NR2F1-AS1: variants seen among roughly 807,000 people sequenced by gnomAD.
The protein encoded by NR2F1-AS1 is NR2F1 antisense RNA 1.
chr5:93,536,201 A>T (rs1751836156), intron 4 of NR2F1-AS1, among the ~76,000 whole-genome samples: 1 of 152,204 alleles, frequency 6.6e-6, no homozygotes, highest in Non-Finnish European at 1.5e-5. Context: ...ATAGCTACCA[A>T]AAAGTAAGAT....
At chr5:93,425,961 T>A (rs548087078) in intron 4 of NR2F1-AS1, among the ~76,000 whole-genome samples, 3 of 152,138 alleles carry the variant, frequency 2.0e-5, no homozygotes, top group Admixed American at 2.0e-4. Flanking sequence ...CCCTGGGATA[T>A]GCCTACATTA....
intron 4 of NR2F1-AS1, among the ~76,000 whole-genome samples, chr5:93,479,409 G>A (rs1750554043): frequency 6.6e-6 from 1 of 152,098 alleles, no homozygotes; most frequent in Non-Finnish European, 1.5e-5. Flanking sequence ...TCAGTGTGCT[G>A]ACTGACCATG....
chr5:93,548,954 A>T (rs1364624889), intron 4 of NR2F1-AS1, among the ~76,000 whole-genome samples: 1 of 152,184 alleles, frequency 6.6e-6, no homozygotes, highest in Non-Finnish European at 1.5e-5. Context: ...CAATTATACC[A>T]GGGTATAACA....
chr5:93,520,473 T>C (rs1751479172), intron 4 of NR2F1-AS1, among the ~76,000 whole-genome samples: 1 of 152,112 alleles, frequency 6.6e-6, no homozygotes, highest in Non-Finnish European at 1.5e-5. Flanking sequence ...ATAATTTTAT[T>C]TTATTAATAG....
intron 4 of NR2F1-AS1, among the ~76,000 whole-genome samples, chr5:93,550,286 C>T (rs1752194179): frequency 6.6e-6 from 1 of 151,954 alleles, no homozygotes; most frequent in Non-Finnish European, 1.5e-5. Context: ...CAGAGTTGAC[C>T]CCCTTCATTC....
At chr5:93,570,955 C>G (rs1029377697) in intron 1 of NR2F1-AS1, 2 of 152,268 alleles carry the variant, frequency 1.3e-5, no homozygotes, top group African/African-American at 4.8e-5. Context: ...GGATCCCAGT[C>G]CGCAGAATTA....
At chr5:93,437,473 T>C (rs1749467671) in intron 4 of NR2F1-AS1, among the ~76,000 whole-genome samples, 1 of 152,192 alleles carries the variant, frequency 6.6e-6, no homozygotes, top group Non-Finnish European at 1.5e-5. Flanking sequence ...CATTTGATGT[T>C]TGCATTTATC....
At chr5:93,468,801 T>A (rs1406518197) in intron 4 of NR2F1-AS1, among the ~76,000 whole-genome samples, 1 of 152,220 alleles carries the variant, frequency 6.6e-6, no homozygotes, top group Non-Finnish European at 1.5e-5. Flanking sequence ...AAGTCTTTAA[T>A]CCATCTTGAG....
chr5:93,415,001 C>T (rs1167674216), intron 4 of NR2F1-AS1, among the ~76,000 whole-genome samples: 1 of 152,038 alleles, frequency 6.6e-6, no homozygotes, highest in African/African-American at 2.4e-5. Flanking sequence ...AGCCAATATC[C>T]AGGGGTAGCA....
chr5:93,534,517 A>T (rs952390684), intron 4 of NR2F1-AS1, among the ~76,000 whole-genome samples: 3 of 152,244 alleles, frequency 2.0e-5, no homozygotes, highest in African/African-American at 4.8e-5. Context: ...TAAACAAATT[A>T]TCATGAAACA....
intron 4 of NR2F1-AS1, chr5:93,432,286 G>C (rs1014080254): frequency 1.3e-5 from 2 of 152,114 alleles, no homozygotes; most frequent in African/African-American, 4.8e-5. Flanking sequence ...GAAAACACCA[G>C]TCAAAAATCA....
intron 4 of NR2F1-AS1, among the ~76,000 whole-genome samples, chr5:93,416,606 A>C (rs558173082): frequency 5.5e-4 from 84 of 152,314 alleles, no homozygotes; most frequent in Non-Finnish European, 1.0e-3. Context: ...TATCTCATTT[A>C]GTCCTCAAAA....
intron 4 of NR2F1-AS1, among the ~76,000 whole-genome samples, chr5:93,472,694 A>G (rs1047650544): frequency 2.0e-5 from 3 of 151,882 alleles, no homozygotes; most frequent in African/African-American, 4.8e-5. Context: ...ACAGAGTGGT[A>G]CATTTAGTAC....
chr5:93,457,351 T>C (rs1749973546), intron 4 of NR2F1-AS1, among the ~76,000 whole-genome samples: 1 of 152,186 alleles, frequency 6.6e-6, no homozygotes, highest in Non-Finnish European at 1.5e-5. Flanking sequence ...GCATGCTGCC[T>C]TCAAGCATTT....
chr5:93,498,079 T>A (rs540067204), intron 4 of NR2F1-AS1, among the ~76,000 whole-genome samples: 2 of 152,208 alleles, frequency 1.3e-5, no homozygotes, highest in African/African-American at 4.8e-5. Flanking sequence ...ATCCCAGCAC[T>A]TTAGGAGGCC....
chr5:93,476,125 C>T (rs535649281), intron 4 of NR2F1-AS1, among the ~76,000 whole-genome samples: 21 of 152,080 alleles, frequency 1.4e-4, no homozygotes, highest in Admixed American at 3.9e-4. Context: ...ACTGATAGAA[C>T]ACACAAAACG....
chr5:93,512,563 T>C lies in NR2F1-AS1; in HGVS notation n.638+41198A>G, dbSNP rs543407359. Among the ~76,000 whole-genome samples, 32 of 152,340 alleles carry C rather than the reference T, an allele frequency of 2.1e-4. 1 individual carries two copies. In the South Asian group the frequency reaches 4.8e-3, roughly 23 times the overall value. On this transcript the variant is annotated intron_variant and non_coding_transcript_variant, in intron 4 of 5. Transcript: ENST00000660523. ...AGTGCTTATAAAGTCTACAGTACTA[T>C]ACAGTAATGTCCGAAGTTTTCATAT...
intron 1 of NR2F1-AS1, among the ~76,000 whole-genome samples, chr5:93,577,837 T>C (rs1752930458): frequency 6.6e-6 from 1 of 152,154 alleles, no homozygotes; most frequent in African/African-American, 2.4e-5. Flanking sequence ...ACGGGGTTAG[T>C]TCTGTTCTGT....
At chr5:93,504,037 C>T (rs934684149) in intron 4 of NR2F1-AS1, among the ~76,000 whole-genome samples, 1 of 151,708 alleles carries the variant, frequency 6.6e-6, no homozygotes, top group African/African-American at 2.4e-5. Context: ...AAATAAATTG[C>T]ACAAGACAAA....
Sources: gnomAD v4.1 joint callset for allele counts (sites outside exome capture counted in the v4.1 genomes callset) on GRCh38, gnomAD v4.1.1 for gene constraint, MANE v1.5 for transcripts, NCBI Gene and HGNC (gene_info 2026-07-23, HGNC 2026-07-21) for gene names.